DUSP10: variants seen among roughly 807,000 people sequenced by gnomAD.
The protein encoded by DUSP10 is dual specificity protein phosphatase 10.
DUSP10 carries 14 observed loss-of-function variants against 30.8 expected under a neutral mutation model. That is an observed-to-expected ratio of 0.46 (90% confidence interval 0.30 to 0.71). The LOEUF (loss-of-function observed/expected upper bound fraction) is 0.71. Ranked by LOEUF, DUSP10 falls within the 30% of genes least tolerant of loss-of-function variation. The pLI is 0.08. For synonymous variants in DUSP10, 254 were observed against 250.4 expected, an observed-to-expected ratio of 1.01 and a Z score of -0.14; for missense variants, 550 against 619.4, an observed-to-expected ratio of 0.89 and a Z score of 1.19.
Position 221,706,578 on chromosome 1 carries a change from T to C in DUSP10, c.812-112A>G. 1.5e-6 allele frequency: 1 copy of C among 675,674 alleles called. No homozygotes were observed. The highest frequency in any genetic ancestry group is 2.2e-6 in the Non-Finnish European group (1 of 452,518). 41.9% of individuals were successfully genotyped at this position (675,674 alleles called of 1,614,324 possible). On this transcript the variant is annotated intron_variant, in intron 2 of 3. Transcript: ENST00000366899. This position sits in a 1 kb window ranked among gnomAD's most constrained non-coding sequence, Gnocchi z 4.6. ...GTAGCTCATGCATATTTTAAATACA[T>C]ATATAAATATGTATTTAAGCAAAAA...
At chr1:221,720,567 T>C (rs1661252719) in intron 2 of DUSP10, among the ~76,000 whole-genome samples, 1 of 152,042 alleles carries the variant, frequency 6.6e-6, no homozygotes, top group Admixed American at 6.6e-5. Flanking sequence ...GGTGGGGTAA[T>C]CTTGTAGGAC....
chr1:221,709,469 G>A (rs904201862), intron 2 of DUSP10, among the ~76,000 whole-genome samples: 1 of 151,494 alleles, frequency 6.6e-6, no homozygotes, highest in Non-Finnish European at 1.5e-5. Context: ...AGGTGGGAGG[G>A]GTGGGGGTGG....
At chr1:221,734,231 A>G (rs1661699250) in intron 2 of DUSP10, among the ~76,000 whole-genome samples, 1 of 152,248 alleles carries the variant, frequency 6.6e-6, no homozygotes, top group South Asian at 2.1e-4. Flanking sequence ...ATTTGGACAG[A>G]ATTATTATCA....
rs1311522867 is a variant in DUSP10, at chr1:221,706,806, A to G, written c.812-340T>C. Among the ~76,000 whole-genome samples, 4 of 152,102 alleles carry G rather than the reference A, an allele frequency of 2.6e-5. No homozygotes were observed. Among genetic ancestry groups the G allele is most frequent in the Non-Finnish European group, 2.9e-5 (2 of 68,028 alleles). On this transcript the variant is annotated intron_variant, in intron 2 of 3. Transcript: ENST00000366899. This position sits in a 1 kb window ranked among gnomAD's most constrained non-coding sequence, Gnocchi z 4.6. ...CAAATGTGACCTGCCTCAAAGAGCC[A>G]TATGCTCAGTGGCCTACATAGAACC...
chr1:221,706,957 CAG>C lies in DUSP10; in HGVS notation c.812-493_812-492del, dbSNP rs200354084. 2.2e-3 allele frequency among the ~76,000 whole-genome samples: 333 copies of C among 152,290 alleles called. 2 individuals carry two copies. In the East Asian group the frequency reaches 0.03, roughly 14 times the overall value. On this transcript the variant is annotated intron_variant, in intron 2 of 3. Coordinates refer to ENST00000366899, the MANE Select transcript of DUSP10 (RefSeq NM_007207.6). This position sits in a 1 kb window ranked among gnomAD's most constrained non-coding sequence, Gnocchi z 4.6. ...AGGGACAAGTTTGCTCCCAATACAG[CAG>C]AGTGGTTACAAGCAGGAACATTGGA...
intron 2 of DUSP10, among the ~76,000 whole-genome samples, chr1:221,731,735 A>T (rs887604396): frequency 2.0e-4 from 30 of 150,568 alleles, no homozygotes; most frequent in African/African-American, 6.9e-4. Flanking sequence ...CAGCCTCCCG[A>T]GTAGCTGGGA....
rs543938125 is a variant in DUSP10, at chr1:221,705,414, T to C, written c.1183+681A>G. ...GCATGAGCCACCGCGCCCGGCGATATTTTGAGTCTTATAGCAGTTTGGGGC... is the reference window on the plus strand; with the variant it reads ...GCATGAGCCACCGCGCCCGGCGATACTTTGAGTCTTATAGCAGTTTGGGGC... On this transcript the variant is annotated intron_variant, in intron 3 of 3. Coordinates refer to ENST00000366899, the MANE Select transcript of DUSP10 (RefSeq NM_007207.6). 1.2e-4 allele frequency among the ~76,000 whole-genome samples: 19 copies of C among 152,302 alleles called. No individual in the cohort carries two copies. The South Asian group carries it at 3.7e-3, about 30-fold the overall frequency.
At chr1:221,714,075 C>T (rs1171472554) in intron 2 of DUSP10, among the ~76,000 whole-genome samples, 1 of 152,052 alleles carries the variant, frequency 6.6e-6, no homozygotes, top group Non-Finnish European at 1.5e-5. Flanking sequence ...AAAAAAAATT[C>T]TGAAAAGTTG....
Position 221,722,210 on chromosome 1 carries a change from C to CT in DUSP10, c.812-15745dup, listed in dbSNP as rs1661296650. Among the ~76,000 whole-genome samples the CT allele has an allele frequency of 3.9e-5, 6 of 152,378 alleles. No individual in the cohort carries two copies. The South Asian group carries it at 1.2e-3, about 32-fold the overall frequency. On this transcript the variant is annotated intron_variant, in intron 2 of 3. Coordinates refer to ENST00000366899, the MANE Select transcript of DUSP10 (RefSeq NM_007207.6). ...TAAGGGCTGTTACAGCCCTAGATCTCTCAAAGAGCAATAGCACGCTATAAC... is the reference window on the plus strand; with the variant it reads ...TAAGGGCTGTTACAGCCCTAGATCTCTTCAAAGAGCAATAGCACGCTATAAC...
rs749791951 is a variant in DUSP10 at position 221,706,312 on chromosome 1, G to A, written c.966C>T (p.Leu322=). The change falls in exon 3 of 4, where the codon CTC becomes CTT. Residue 322 remains leucine (L), a synonymous_variant. Coordinates refer to ENST00000366899, the MANE Select transcript of DUSP10 (RefSeq NM_007207.6). This position sits in a 1 kb window ranked among gnomAD's most constrained non-coding sequence, Gnocchi z 4.6. The part of the protein sequence containing the change: ...PTTPDIENAE[L]TPILPFLFLG... Reference sequence around the variant, plus strand: ...GGAACAGGAAGGGCAAGATGGGGGTGAGCTCAGCGTTCTCGATGTCAGGGG... The same window carrying A: ...GGAACAGGAAGGGCAAGATGGGGGTAAGCTCAGCGTTCTCGATGTCAGGGG... 6.8e-6 allele frequency: 11 copies of A among 1,614,004 alleles called. No individual in the cohort carries two copies. The highest frequency in any genetic ancestry group is 9.3e-6 in the Non-Finnish European group (11 of 1,179,974).
At chr1:221,718,998 T>C (rs1214972836) in intron 2 of DUSP10, among the ~76,000 whole-genome samples, 2 of 152,202 alleles carry the variant, frequency 1.3e-5, no homozygotes, top group Non-Finnish European at 2.9e-5. Flanking sequence ...GAAGCCTGGA[T>C]AGGGTTCCAT....
At chr1:221,738,880 CAA>C (rs1348344724) in intron 2 of DUSP10, 52 bp downstream of exon 2, 2 of 1,533,284 alleles carry the variant, frequency 1.3e-6, no homozygotes. Flanking sequence ...CGAGAAAACC[CAA>C]AGTGAACCCG....
At chr1:221,712,841 C>A (rs1571812919) in intron 2 of DUSP10, among the ~76,000 whole-genome samples, 1 of 148,874 alleles carries the variant, frequency 6.7e-6, no homozygotes, top group African/African-American at 2.5e-5. Flanking sequence ...CTGCCACATG[C>A]CAAGTGTGTG....
chr1:221,737,185 A>G, intron 2 of DUSP10: 1 of 985,434 alleles, frequency 1.0e-6, no homozygotes, highest in Non-Finnish European at 1.2e-6. Context: ...CATGATTAGG[A>G]GGTCTAGGAT....
At chr1:221,737,304 T>C (rs1661806597) in intron 2 of DUSP10, 2 of 985,434 alleles carry the variant, frequency 2.0e-6, no homozygotes, top group Non-Finnish European at 2.4e-6. Flanking sequence ...ATCATGATCA[T>C]TGGCTATCCT....
intron 2 of DUSP10, among the ~76,000 whole-genome samples, chr1:221,736,298 T>C (rs988647742): frequency 6.6e-6 from 1 of 152,184 alleles, no homozygotes; most frequent in East Asian, 1.9e-4. Flanking sequence ...GGGCCAGCCA[T>C]AAATTACCCA....
Position 221,702,577 on chromosome 1 carries a change from C to A in DUSP10, c.1284G>T (p.Arg428=). The A allele has an allele frequency of 6.2e-7, 1 of 1,614,126 alleles. No homozygotes were observed. The highest frequency in any genetic ancestry group is 8.5e-7 in the Non-Finnish European group (1 of 1,180,016). ...IVIAYLMKHT[R]MTMTDAYKFV... ...ATTTATAAGCATCAGTCATGGTCAT[C>A]CGAGTGTGCTTCATCAAGTAAGCGA... The change falls in exon 4 of 4, where the codon CGG becomes CGT. Residue 428 remains arginine (R), a synonymous_variant. Coordinates refer to ENST00000366899, the MANE Select transcript of DUSP10 (RefSeq NM_007207.6). This position sits in a 1 kb window ranked among gnomAD's most constrained non-coding sequence, Gnocchi z 4.5.
chr1:221,727,039 C>T (rs775889306), intron 2 of DUSP10, among the ~76,000 whole-genome samples: 1 of 152,072 alleles, frequency 6.6e-6, no homozygotes, highest in Non-Finnish European at 1.5e-5. Flanking sequence ...CCATTACCCT[C>T]CCCATTTTAT....
At chr1:221,727,222 C>T (rs1046163336) in intron 2 of DUSP10, among the ~76,000 whole-genome samples, 3 of 152,078 alleles carry the variant, frequency 2.0e-5, no homozygotes, top group African/African-American at 2.4e-5. Context: ...GAGCATCAGC[C>T]GGCTCATTCA....
Sources: allele counts gnomAD v4.1 joint callset (sites outside exome capture counted in the v4.1 genomes callset), GRCh38; gene constraint gnomAD v4.1.1; non-coding constraint Gnocchi (gnomAD v3.1); transcripts MANE v1.5; gene names NCBI Gene and HGNC (gene_info 2026-07-23, HGNC 2026-07-21).